GRID2: variants seen among roughly 807,000 people sequenced by gnomAD.
The protein encoded by GRID2 is glutamate receptor ionotropic, delta-2.
In GRID2, 33 loss-of-function variants were observed where a neutral mutation model predicts 114.8. That is an observed-to-expected ratio of 0.29 (90% CI 0.22 to 0.38). The LOEUF is 0.38. Among genes scored for constraint, GRID2 ranks in the 10% least tolerant of loss-of-function variants. GRID2 has a pLI of 1.00. For synonymous variants in GRID2, 505 were observed against 449.9 expected (o/e 1.12, Z -1.55); for missense variants, 1,184 against 1,257.7 (o/e 0.94, Z 0.89).
intron 1 of GRID2, among the ~76,000 whole-genome samples, chr4:92,537,557 G>C (rs1725705505): frequency 6.6e-6 from 1 of 152,052 alleles, no homozygotes; most frequent in African/African-American, 2.4e-5. Context: ...AAGTTTTCAT[G>C]CAAATATATT....
chr4:93,576,189 A>G lies in GRID2; in HGVS notation c.2194-50080A>G, dbSNP rs78145532. On this transcript the variant is annotated intron_variant, in intron 13 of 15. Coordinates refer to ENST00000282020, the MANE Select transcript of GRID2 (RefSeq NM_001510.4). The stretch of plus-strand genomic sequence containing the variant: ...TGATAGTCAAGTTATCCCTGCCACT[A>G]TGCTACCCTTTAGAATTTAAGACCT... Among the ~76,000 whole-genome samples the G allele has an allele frequency of 1.3e-3, 199 of 152,308 alleles. No individual in the cohort carries two copies. The Middle Eastern group carries it at 0.014, about 10-fold the overall frequency.
chr4:92,827,382 T>C (rs376395563), intron 2 of GRID2, among the ~76,000 whole-genome samples: 1 of 146,750 alleles, frequency 6.8e-6, no homozygotes, highest in Non-Finnish European at 1.5e-5. Flanking sequence ...TTTTTAGCAA[T>C]GTAAAGGGAT....
intron 13 of GRID2, among the ~76,000 whole-genome samples, chr4:93,589,772 G>C (rs1248679446): frequency 1.3e-5 from 2 of 152,136 alleles, no homozygotes; most frequent in Non-Finnish European, 2.9e-5. Flanking sequence ...GTATCTCCTT[G>C]TGGTTTTGAT....
At chr4:93,052,895 G>T (rs1398135046) in intron 2 of GRID2, among the ~76,000 whole-genome samples, 2 of 151,748 alleles carry the variant, frequency 1.3e-5, no homozygotes, top group African/African-American at 4.8e-5. Flanking sequence ...TCTTAATTTT[G>T]CAGTTAATCA....
intron 5 of GRID2, among the ~76,000 whole-genome samples, chr4:93,211,753 C>T (rs763854251): frequency 2.0e-5 from 3 of 152,136 alleles, no homozygotes; most frequent in Non-Finnish European, 2.9e-5. Flanking sequence ...CAACCCATAC[C>T]ATTTACATTA....
chr4:92,618,585 T>A (rs1730118911), intron 2 of GRID2, among the ~76,000 whole-genome samples: 1 of 151,656 alleles, frequency 6.6e-6, no homozygotes, highest in Non-Finnish European at 1.5e-5. Context: ...ATAGGTTGCT[T>A]TGGGAAATAT....
chr4:92,398,065 A>G lies in GRID2; in HGVS notation c.88+93321A>G, dbSNP rs77535892. On this transcript the variant is annotated intron_variant, in intron 1 of 15. Transcript: ENST00000282020. ...TGCTGGCACACACACACAAAATAAT[A>G]TATGCAGAGACATTCATTTGCAGCG... 9.8e-5 allele frequency among the ~76,000 whole-genome samples: 15 copies of G among 152,298 alleles called. No homozygotes were observed. The East Asian group carries it at 2.9e-3, about 29-fold the overall frequency.
At chr4:93,125,164 G>A (rs1015238295) in intron 4 of GRID2, among the ~76,000 whole-genome samples, 6 of 151,950 alleles carry the variant, frequency 3.9e-5, no homozygotes, top group Admixed American at 2.0e-4. Context: ...TAAAATTCAC[G>A]TTAGACCTGG....
At chr4:92,690,712 A>C (rs937718894) in intron 2 of GRID2, among the ~76,000 whole-genome samples, 3 of 152,146 alleles carry the variant, frequency 2.0e-5, no homozygotes, top group Non-Finnish European at 4.4e-5. Flanking sequence ...AAACTGAGGC[A>C]CTTTACTGTA....
At chr4:93,447,454 G>A (rs1722194430) in intron 10 of GRID2, among the ~76,000 whole-genome samples, 1 of 151,842 alleles carries the variant, frequency 6.6e-6, no homozygotes, top group Non-Finnish European at 1.5e-5. Context: ...AAAATGAAAT[G>A]CATAAATAAA....
chr4:93,777,490 G>A (rs1391367237), downstream of GRID2, among the ~76,000 whole-genome samples: 1 of 152,166 alleles, frequency 6.6e-6, no homozygotes, highest in Non-Finnish European at 1.5e-5. Flanking sequence ...AGAGAAACTA[G>A]CTGTGTTATT....
At chr4:93,258,922 T>C (rs1385428936) in intron 8 of GRID2, 2 of 455,754 alleles carry the variant, frequency 4.4e-6, no homozygotes, top group Admixed American at 4.7e-5. Flanking sequence ...CACAGGGCTC[T>C]ACTGGGAAAA....
intron 2 of GRID2, among the ~76,000 whole-genome samples, chr4:92,727,996 C>G (rs1305198756): frequency 6.6e-6 from 1 of 151,876 alleles, no homozygotes; most frequent in Non-Finnish European, 1.5e-5. Context: ...AAATTTAGAA[C>G]ATGTTCAAGA....
chr4:92,625,461 T>TC (rs1730473008), intron 2 of GRID2, among the ~76,000 whole-genome samples: 1 of 151,826 alleles, frequency 6.6e-6, no homozygotes, highest in Admixed American at 6.6e-5. Flanking sequence ...GACTATTGCC[T>TC]CTAAGTAAGG....
chr4:93,437,028 C>T (rs1037889885), intron 10 of GRID2, among the ~76,000 whole-genome samples: 1 of 152,016 alleles, frequency 6.6e-6, no homozygotes, highest in Non-Finnish European at 1.5e-5. Flanking sequence ...TAAAGTAGAA[C>T]ATCACCAGAA....
chr4:93,426,404 G>C (rs1046440248), intron 10 of GRID2, among the ~76,000 whole-genome samples: 3 of 152,004 alleles, frequency 2.0e-5, no homozygotes, highest in Non-Finnish European at 2.9e-5. Flanking sequence ...GTAAAGAAAA[G>C]GCATTATACA....
At chr4:92,687,012 CTTTTA>C (rs774035329) in intron 2 of GRID2, among the ~76,000 whole-genome samples, 1 of 151,964 alleles carries the variant, frequency 6.6e-6, no homozygotes, top group Non-Finnish European at 1.5e-5. Context: ...TTTTGTTCCA[CTTTTA>C]TTTATTTCAT....
At chr4:93,341,416 C>T (rs1759644076) in intron 8 of GRID2, among the ~76,000 whole-genome samples, 1 of 152,032 alleles carries the variant, frequency 6.6e-6, no homozygotes, top group Non-Finnish European at 1.5e-5. Context: ...CCTCCACCTC[C>T]TGGGTACAAG....
chr4:93,368,126 C>T (rs1762516524), intron 8 of GRID2, among the ~76,000 whole-genome samples: 1 of 152,112 alleles, frequency 6.6e-6, no homozygotes, highest in Non-Finnish European at 1.5e-5. Context: ...AATTAACTAT[C>T]TCAGTAAGGC....
Sources: gnomAD v4.1 joint callset for allele counts (sites outside exome capture counted in the v4.1 genomes callset) on GRCh38, gnomAD v4.1.1 for gene constraint, MANE v1.5 for transcripts, NCBI Gene and HGNC (gene_info 2026-07-23, HGNC 2026-07-21) for gene names.